LMO2: variants seen among roughly 807,000 people sequenced by gnomAD.
LMO2 encodes rhombotin-2.
Under a neutral mutation model 23.2 loss-of-function variants are expected in LMO2, and 20 were observed. The observed-to-expected ratio is 0.86, with a 90% CI of 0.61 to 1.25. LMO2 has a LOEUF of 1.25. Ranked by LOEUF, LMO2 falls within the 50% of genes most tolerant of loss-of-function variation. The pLI is 0.00. For synonymous variants in LMO2, 123 were observed against 130.2 expected (o/e 0.94, Z 0.38); for missense variants, 270 against 315.3 (o/e 0.86, Z 1.09).
chr11:33,882,258 A>G (rs569968888), intron 1 of LMO2, among the ~76,000 whole-genome samples: 1 of 152,192 alleles, frequency 6.6e-6, no homozygotes, highest in Admixed American at 6.5e-5. Flanking sequence ...TGGCCTTGCC[A>G]TTGTATGCAC....
chr11:33,860,626 C>T (rs10836122), intron 5 of LMO2, among the ~76,000 whole-genome samples: 27,837 of 151,814 alleles, frequency 0.18, 2,784 homozygotes, highest in Middle Eastern at 0.27. Context: ...TAGCCGGGTG[C>T]GGTGGTGCAT....
chr11:33,873,564 C>A (rs983385774), intron 2 of LMO2, among the ~76,000 whole-genome samples: 1 of 152,200 alleles, frequency 6.6e-6, no homozygotes, highest in African/African-American at 2.4e-5. Flanking sequence ...AGAAGAGAGA[C>A]TCAGGAACTA....
rs1856729042 is a variant in LMO2 at position 33,864,962 on chromosome 11, TG to T, written c.249-146del. The T allele has an allele frequency of 1.4e-6, 1 of 738,292 alleles. No homozygotes were observed. Among genetic ancestry groups the T allele is most frequent in the African/African-American group, 1.7e-5 (1 of 57,986 alleles). 45.7% of individuals were successfully genotyped at this position (738,292 alleles called of 1,614,324 possible). ...AGAAGGGACAGGACAACACATCCCT[TG>T]GCCAGACTGCAGAGTCCCAACCAAC... On this transcript the variant is annotated intron_variant, in intron 4 of 5. Coordinates refer to ENST00000257818, the MANE Select transcript of LMO2 (RefSeq NM_005574.4). The surrounding 1 kb of genome is among the most constrained non-coding windows in gnomAD (Gnocchi z 4.8).
intron 2 of LMO2, among the ~76,000 whole-genome samples, chr11:33,877,783 C>T (rs944715611): frequency 8.6e-5 from 13 of 151,850 alleles, no homozygotes; most frequent in Non-Finnish European, 1.6e-4. Context: ...GATTCTTAAG[C>T]GACAAACCTC....
At position 33,869,866 on chromosome 11, in the gene LMO2, G is replaced by A; in HGVS notation, c.-150C>T. 9.5e-7 allele frequency: 1 copy of A among 1,054,400 alleles called. No homozygotes were observed. Among genetic ancestry groups the A allele is most frequent in the African/African-American group, 1.7e-5 (1 of 59,014 alleles). 65.3% of individuals were successfully genotyped at this position (1,054,400 alleles called of 1,614,324 possible). A position where few individuals can be genotyped will look rare whatever the true frequency, so the allele number is the denominator to read the frequency against. Reference sequence around the variant, plus strand: ...GGCGCGCTGCTCGCCGCCGAGGGCAGAGAGGGGGCGGCGGCCTAGGGGCGG... The same window carrying A: ...GGCGCGCTGCTCGCCGCCGAGGGCAAAGAGGGGGCGGCGGCCTAGGGGCGG... On this transcript the variant is annotated 5_prime_UTR_variant, in exon 3 of 6. Coordinates refer to ENST00000257818, the MANE Select transcript of LMO2 (RefSeq NM_005574.4).
Position 33,880,189 on chromosome 11 carries a change from A to ATCATATATACACATGATATATATC in LMO2, c.-272+1634_-272+1635insGATATATATCATGTGTATATATGA, listed in dbSNP as rs1857234751. ...TATGATATATACACATGATATATAT[A>ATCATATATACACATGATATATATC]TCATATATACACATGATATATATAT... On this transcript the variant is annotated intron_variant, in intron 2 of 5. Transcript: ENST00000257818. This position sits in a 1 kb window ranked among gnomAD's most constrained non-coding sequence, Gnocchi z 4.3. Among the ~76,000 whole-genome samples, 1 of 148,872 alleles carries ATCATATATACACATGATATATATC rather than the reference A, an allele frequency of 6.7e-6. No homozygotes were observed. The highest frequency in any genetic ancestry group is 2.5e-5 in the African/African-American group (1 of 40,786).
chr11:33,877,548 T>G (rs1399507566), intron 2 of LMO2, among the ~76,000 whole-genome samples: 1 of 136,402 alleles, frequency 7.3e-6, no homozygotes, highest in Non-Finnish European at 1.5e-5. Flanking sequence ...CACTGCAACC[T>G]CTGCCTCCCG....
intron 1 of LMO2, among the ~76,000 whole-genome samples, chr11:33,883,248 A>G (rs1857329030): frequency 6.6e-6 from 1 of 152,218 alleles, no homozygotes; most frequent in South Asian, 2.1e-4. Flanking sequence ...AAGTTAGTAG[A>G]CACTGTCCAA....
chr11:33,885,433 TTGG>T (rs1262719852), intron 1 of LMO2, among the ~76,000 whole-genome samples: 1 of 152,130 alleles, frequency 6.6e-6, no homozygotes, highest in Non-Finnish European at 1.5e-5. Context: ...GTGTTTGGTG[TTGG>T]TGGTTTTGTG....
intron 2 of LMO2, among the ~76,000 whole-genome samples, chr11:33,877,586 T>C (rs542490546): frequency 6.7e-6 from 1 of 148,806 alleles, no homozygotes; most frequent in East Asian, 2.1e-4. Flanking sequence ...TGTCTCAGCC[T>C]CCTGAGTAGC....
intron 3 of LMO2, 52 bp downstream of exon 3, chr11:33,869,658 G>C: frequency 2.4e-6 from 3 of 1,257,834 alleles, no homozygotes; most frequent in African/African-American, 1.6e-5. Flanking sequence ...GGGCCGGGGC[G>C]CGCAGCCTGG....
intron 4 of LMO2, among the ~76,000 whole-genome samples, chr11:33,868,203 G>T (rs1377676017): frequency 6.6e-6 from 1 of 152,182 alleles, no homozygotes; most frequent in African/African-American, 2.4e-5. Flanking sequence ...GCTGGTAACT[G>T]AGGGTAAAAC....
rs71037314 is a variant in LMO2, at chr11:33,880,167, G to GATATATACACATGATATATATATATC, written c.-272+1656_-272+1657insGATATATATATATCATGTGTATATAT. Among the ~76,000 whole-genome samples, 74 of 32,608 alleles carry GATATATACACATGATATATATATATC rather than the reference G, an allele frequency of 2.3e-3. 6 individuals carry two copies. Among genetic ancestry groups the GATATATACACATGATATATATATATC allele is most frequent in the African/African-American group, 8.5e-3 (70 of 8,190 alleles). The allele number at this position is 32,608 out of a possible 152,430, so 21.4% of individuals were successfully genotyped here. On this transcript the variant is annotated intron_variant, in intron 2 of 5. Coordinates refer to ENST00000257818, the MANE Select transcript of LMO2 (RefSeq NM_005574.4). This position sits in a 1 kb window ranked among gnomAD's most constrained non-coding sequence, Gnocchi z 4.3. ...TTTATGTGTACATATATATACATAT[G>GATATATACACATGATATATATATATC]ATATATACACATGATATATATATCA...
chr11:33,890,508 C>G (rs554654345), intron 1 of LMO2, among the ~76,000 whole-genome samples: 1 of 152,186 alleles, frequency 6.6e-6, no homozygotes, highest in East Asian at 1.9e-4. Flanking sequence ...TGAGCCACCA[C>G]GCGTGGCTAA....
rs1474127829 is a variant in LMO2, at chr11:33,880,180, G to A, written c.-272+1644C>T. On this transcript the variant is annotated intron_variant, in intron 2 of 5. Transcript: ENST00000257818. This position sits in a 1 kb window ranked among gnomAD's most constrained non-coding sequence, Gnocchi z 4.3. ...ATATATACATATGATATATACACATGATATATATATCATATATACACATGA... is the reference window on the plus strand; with the variant it reads ...ATATATACATATGATATATACACATAATATATATATCATATATACACATGA... Among the ~76,000 whole-genome samples the A allele has an allele frequency of 1.7e-4, 4 of 23,958 alleles. 1 individual carries two copies. The highest frequency in any genetic ancestry group is 1.4e-3 in the Admixed American group (4 of 2,880). 15.7% of individuals were successfully genotyped at this position (23,958 alleles called of 152,430 possible). A position where few individuals can be genotyped will look rare whatever the true frequency, so the allele number is the denominator to read the frequency against.
chr11:33,861,455 T>G (rs1297088566), intron 5 of LMO2, among the ~76,000 whole-genome samples: 1 of 152,192 alleles, frequency 6.6e-6, no homozygotes, highest in Non-Finnish European at 1.5e-5. Flanking sequence ...GCCAGCTAAT[T>G]TGCCTCTGAA....
At chr11:33,865,181 C>T (rs1222006994) in intron 4 of LMO2, 1 of 342,166 alleles carries the variant, frequency 2.9e-6, no homozygotes, top group East Asian at 7.1e-5. Flanking sequence ...ACAGATCTCC[C>T]TCATTTTCCT....
chr11:33,871,567 CAAAA>C (rs58212820), intron 2 of LMO2, among the ~76,000 whole-genome samples: 4 of 52,936 alleles, frequency 7.6e-5, no homozygotes, highest in Admixed American at 2.6e-4. Flanking sequence ...GACCCTGTCT[CAAAA>C]AAAAAAAAAA....
rs36029484 is a variant in LMO2 at position 33,858,611 on chromosome 11, G to GTT, written c.*743_*744dup. 4.1e-3 allele frequency: 708 copies of GTT among 173,686 alleles called. 1 individual carries two copies. The highest frequency in any genetic ancestry group is 0.016 in the Middle Eastern group (7 of 440). 10.8% of individuals were successfully genotyped at this position (173,686 alleles called of 1,614,324 possible). A position where few individuals can be genotyped will look rare whatever the true frequency, so the allele number is the denominator to read the frequency against. On this transcript the variant is annotated 3_prime_UTR_variant, in exon 6 of 6. Coordinates refer to ENST00000257818, the MANE Select transcript of LMO2 (RefSeq NM_005574.4). ...TCATTTTTATTAAGCCTGCAGAGCT[G>GTT]TTTTTTTTTCTACACACGACAAATA...
Sources: allele counts gnomAD v4.1 joint callset (sites outside exome capture counted in the v4.1 genomes callset), GRCh38; gene constraint gnomAD v4.1.1; non-coding constraint Gnocchi (gnomAD v3.1); transcripts MANE v1.5; gene names NCBI Gene and HGNC (gene_info 2026-07-23, HGNC 2026-07-21).